The following DTNBP1 variants were observed in gnomAD, a reference collection of about 807,000 sequenced individuals.
DTNBP1 encodes the protein dystrobrevin binding protein 1.
A neutral mutation model predicts 42.8 loss-of-function variants in DTNBP1; 35 were observed. The ratio of observed to expected loss-of-function variants is 0.82; its 90% confidence interval spans 0.63 to 1.09. The LOEUF (loss-of-function observed/expected upper bound fraction) is 1.09, where lower values mean the gene tolerates loss of function less well. DTNBP1 is among the 50% of genes least tolerant of loss of function. The pLI is 0.00. For synonymous variants in DTNBP1, 171 were observed against 162.2 expected (o/e 1.05, Z -0.41); for missense variants, 457 against 424.2 (o/e 1.08, Z -0.68).
At chr6:15,592,372 A>G (rs1447846572) in intron 7 of DTNBP1, among the ~76,000 whole-genome samples, 2 of 152,200 alleles carry the variant, frequency 1.3e-5, no homozygotes, top group Non-Finnish European at 2.9e-5. Flanking sequence ...CTCATGAGTA[A>G]TTAATTGAAA....
rs1473959528 is a variant in DTNBP1, at chr6:15,651,310, T to TA, written c.161+2dup. On this transcript the variant is annotated splice_region_variant and intron_variant, in intron 3 of 9. Transcript: ENST00000344537. ...AACCTTCCTCTACAAATGAAACACT[T>TA]ACCTGCTAAGTAATTCTAATCCAGC... is the stretch of plus-strand genomic sequence containing the variant. 3.7e-6 allele frequency: 6 copies of TA among 1,611,438 alleles called. No individual in the cohort carries two copies. The highest frequency in any genetic ancestry group is 4.2e-6 in the Non-Finnish European group (5 of 1,179,404).
chr6:15,619,463 T>C (rs1029212845), intron 5 of DTNBP1, among the ~76,000 whole-genome samples: 2 of 152,148 alleles, frequency 1.3e-5, no homozygotes, highest in African/African-American at 4.8e-5. Context: ...ATCCAAAATA[T>C]TACAAAGTAC....
intron 7 of DTNBP1, among the ~76,000 whole-genome samples, chr6:15,537,087 T>C (rs900959285): frequency 3.9e-5 from 6 of 152,218 alleles, no homozygotes; most frequent in African/African-American, 9.6e-5. Flanking sequence ...GCTCCTAGGC[T>C]AGACATTTGC....
intron 3 of DTNBP1, among the ~76,000 whole-genome samples, chr6:15,646,402 T>C (rs1232470733): frequency 1.3e-5 from 2 of 151,908 alleles, no homozygotes; most frequent in Non-Finnish European, 2.9e-5. Flanking sequence ...TCCATGCTCA[T>C]GGATTAGAAG....
At chr6:15,629,070 A>G (rs938571173) in intron 4 of DTNBP1, among the ~76,000 whole-genome samples, 1 of 151,782 alleles carries the variant, frequency 6.6e-6, no homozygotes, top group Non-Finnish European at 1.5e-5. Context: ...TTTAAAAAAA[A>G]TCTTTAAAAG....
chr6:15,661,681 A>T (rs780726431), intron 1 of DTNBP1, among the ~76,000 whole-genome samples: 11 of 152,112 alleles, frequency 7.2e-5, no homozygotes, highest in Admixed American at 2.6e-4. Context: ...AATTTAAAAC[A>T]GTATGAGTGG....
intron 1 of DTNBP1, among the ~76,000 whole-genome samples, chr6:15,659,742 C>A (rs985969732): frequency 6.6e-6 from 1 of 151,766 alleles, no homozygotes; most frequent in South Asian, 2.1e-4. Context: ...TTAGTGGAGA[C>A]GGGGTTTCAC....
intron 6 of DTNBP1, among the ~76,000 whole-genome samples, chr6:15,613,913 T>G (rs994884708): frequency 3.9e-5 from 6 of 152,180 alleles, no homozygotes; most frequent in African/African-American, 1.4e-4. Context: ...TTACCTAGAA[T>G]GCCTGTTTCA....
intron 8 of DTNBP1, among the ~76,000 whole-genome samples, chr6:15,529,668 G>C (rs1772675306): frequency 6.6e-6 from 1 of 152,206 alleles, no homozygotes; most frequent in Non-Finnish European, 1.5e-5. Context: ...ACATCTATGG[G>C]AACACAGAGC....
rs1244029708 is a variant in DTNBP1 at position 15,593,075 on chromosome 6, T to G, written c.495A>C (p.Glu165Asp). The change falls in exon 7 of 10, where the codon GAA becomes GAC. Residue 165 changes from glutamate to aspartate, a missense_variant. By Grantham distance (45) the Glu-to-Asp change is conservative. Transcript: ENST00000344537. ...CAAAATTACCTTTGAAGGTTTCAAG[T>G]TCCTTCCTGTAGGAAAAAAAAAAAA... ...LENYKKNKRK[E>D]LETFKAELDA... The G allele has an allele frequency of 6.3e-7, 1 of 1,579,948 alleles. No homozygotes were observed. Among genetic ancestry groups the G allele is most frequent in the Admixed American group, 1.8e-5 (1 of 55,966 alleles).
intron 7 of DTNBP1, among the ~76,000 whole-genome samples, chr6:15,560,915 A>G (rs1266159642): frequency 6.6e-6 from 1 of 152,248 alleles, no homozygotes; most frequent in Admixed American, 6.5e-5. Context: ...GAGCCTATAC[A>G]GCAAAAATTA....
intron 6 of DTNBP1, among the ~76,000 whole-genome samples, chr6:15,601,581 T>A (rs768277413): frequency 5.9e-5 from 9 of 152,054 alleles, no homozygotes; most frequent in Admixed American, 1.3e-4. Flanking sequence ...TTCTCTGATA[T>A]CAGTTATAAT....
At chr6:15,528,091 C>T (rs767806953) in intron 8 of DTNBP1, among the ~76,000 whole-genome samples, 24 of 152,184 alleles carry the variant, frequency 1.6e-4, no homozygotes, top group Non-Finnish European at 3.1e-4. Context: ...TGCAATTCCG[C>T]TCAAACTGTA....
chr6:15,551,883 C>G (rs1445954164), intron 7 of DTNBP1, among the ~76,000 whole-genome samples: 1 of 152,210 alleles, frequency 6.6e-6, no homozygotes, highest in African/African-American at 2.4e-5. Context: ...CAACTGGCTG[C>G]TTGATCGCAA....
At chr6:15,564,172 G>A (rs1278134271) in intron 7 of DTNBP1, among the ~76,000 whole-genome samples, 2 of 151,710 alleles carry the variant, frequency 1.3e-5, no homozygotes, top group African/African-American at 4.8e-5. Context: ...ACCTTTTTCT[G>A]CTGTAACTCG....
At chr6:15,577,218 C>T (rs1368429564) in intron 7 of DTNBP1, among the ~76,000 whole-genome samples, 1 of 152,190 alleles carries the variant, frequency 6.6e-6, no homozygotes, top group Non-Finnish European at 1.5e-5. Flanking sequence ...GCAGAGGAGC[C>T]AAGGCCAGAG....
chr6:15,566,053 G>C (rs957083998), intron 7 of DTNBP1, among the ~76,000 whole-genome samples: 1 of 152,126 alleles, frequency 6.6e-6, no homozygotes, highest in Non-Finnish European at 1.5e-5. Flanking sequence ...AATTCTTCAC[G>C]CCTGTAATCC....
intron 5 of DTNBP1, among the ~76,000 whole-genome samples, chr6:15,624,053 G>A (rs1255942568): frequency 6.6e-6 from 1 of 152,212 alleles, no homozygotes; most frequent in Non-Finnish European, 1.5e-5. Context: ...GCCCAGCCTT[G>A]TTCACTGCTG....
At chr6:15,628,364 A>G (rs1294079354) in intron 4 of DTNBP1, among the ~76,000 whole-genome samples, 1 of 151,978 alleles carries the variant, frequency 6.6e-6, no homozygotes, top group Admixed American at 6.6e-5. Context: ...TGAGTATTCA[A>G]AACAGACAAT....
Sources: gnomAD v4.1 joint callset for allele counts (sites outside exome capture counted in the v4.1 genomes callset) on GRCh38, gnomAD v4.1.1 for gene constraint, MANE v1.5 for transcripts, NCBI Gene and HGNC (gene_info 2026-07-23, HGNC 2026-07-21) for gene names.